PIK3AP1: variants seen among roughly 807,000 people sequenced by gnomAD.
PIK3AP1 encodes the protein phosphoinositide 3-kinase adapter protein 1.
In PIK3AP1, 21 loss-of-function variants were observed where a neutral mutation model predicts 88.1. That is an observed-to-expected ratio of 0.24 (90% CI 0.17 to 0.34). The LOEUF (loss-of-function observed/expected upper bound fraction) is 0.34. PIK3AP1 is among the 10% of genes least tolerant of loss of function. The pLI, the probability that PIK3AP1 is intolerant of heterozygous loss-of-function variation, is 1.00. For missense variants in PIK3AP1, 828 were observed against 1,035.7 expected (o/e 0.80, Z 2.75); for synonymous variants, 398 against 400.0 (o/e 1.00, Z 0.06).
At position 96,702,271 on chromosome 10, in the gene PIK3AP1, C is replaced by T. The variant is rs1185662729; in HGVS notation, c.430+7296G>A. Among the ~76,000 whole-genome samples, 7 of 152,156 alleles carry T rather than the reference C, an allele frequency of 4.6e-5. No homozygotes were observed. In the East Asian group the frequency reaches 7.8e-4, roughly 17 times the overall value. The stretch of plus-strand genomic sequence containing the variant: ...ATCCCAACAGTTCAGGAGGCCGAGG[C>T]GGGAGGATCATGAGGTCAAGACATC... On this transcript the variant is annotated intron_variant, in intron 2 of 16. Coordinates refer to ENST00000339364, the MANE Select transcript of PIK3AP1 (RefSeq NM_152309.3).
chr10:96,650,553 T>G (rs1160812338), intron 6 of PIK3AP1, among the ~76,000 whole-genome samples: 1 of 152,146 alleles, frequency 6.6e-6, no homozygotes, highest in Non-Finnish European at 1.5e-5. Flanking sequence ...GCGGACAGCC[T>G]AGCAAAGAAG....
chr10:96,633,062 C>A (rs1169620297), intron 8 of PIK3AP1: 1 of 1,589,524 alleles, frequency 6.3e-7, no homozygotes, highest in African/African-American at 1.3e-5. Context: ...AACCTCATGT[C>A]CTACAAGAGC....
At chr10:96,677,578 T>TACACACACACACAC (rs35018772) in intron 2 of PIK3AP1, among the ~76,000 whole-genome samples, 5 of 121,186 alleles carry the variant, frequency 4.1e-5, no homozygotes, top group East Asian at 2.5e-4. Context: ...ACTAAGCACA[T>TACACACACACACAC]ACACACACAC....
Position 96,656,847 on chromosome 10 carries a change from G to A in PIK3AP1, c.518C>T (p.Thr173Ile), listed in dbSNP as rs1843621562. 9 of 1,614,136 alleles carry A rather than the reference G, an allele frequency of 5.6e-6. No individual in the cohort carries two copies. Among genetic ancestry groups the A allele is most frequent in the East Asian group, 4.5e-5 (2 of 44,880 alleles). Reference sequence around the variant, plus strand: ...CACCACCATCAGGTTCCCAGGTGAAGTCACCGTCGGCAGGTTCTGCTGCTT... The same window carrying A: ...CACCACCATCAGGTTCCCAGGTGAAATCACCGTCGGCAGGTTCTGCTGCTT... Reference protein sequence around the residue: ...YSKQQNLPTVTSPGNLMVVQP... With the variant: ...YSKQQNLPTVISPGNLMVVQP... The change falls in exon 3 of 17, where the codon ACT becomes ATT. Residue 173 changes from threonine (T) to isoleucine (I), a missense_variant. Physicochemically the swap from Thr to Ile is moderately conservative, Grantham distance 89. Around this residue, in one of 3 missense-constraint regions of PIK3AP1, gnomAD observed 610 missense variants for 760.1 expected, o/e 0.80. Coordinates refer to ENST00000339364, the MANE Select transcript of PIK3AP1 (RefSeq NM_152309.3).
rs144433117 is a variant in PIK3AP1 at position 96,618,986 on chromosome 10, C to T, written c.1941+1366G>A. ...AGGGAGGCAGCTGGCAGAGCAGGTG[C>T]CCCTGTCTTAAGGAGCACTAAAAAG... On this transcript the variant is annotated intron_variant, in intron 12 of 16. Transcript: ENST00000339364. 2.2e-3 allele frequency among the ~76,000 whole-genome samples: 332 copies of T among 152,276 alleles called. 1 individual carries two copies. Among genetic ancestry groups the T allele is most frequent in the African/African-American group, 6.8e-3 (281 of 41,550 alleles).
At chr10:96,683,612 A>G (rs1276615620) in intron 2 of PIK3AP1, among the ~76,000 whole-genome samples, 1 of 151,908 alleles carries the variant, frequency 6.6e-6, no homozygotes, top group Non-Finnish European at 1.5e-5. Context: ...GAAAATTGAG[A>G]TAATAAAATC....
chr10:96,621,033 A>G (rs1021085578), intron 11 of PIK3AP1: 1 of 164,368 alleles, frequency 6.1e-6, no homozygotes, highest in African/African-American at 2.4e-5. Flanking sequence ...GATGGCATCA[A>G]AGGTGGCCCA....
At chr10:96,658,418 G>GGT (rs1843643640) in intron 2 of PIK3AP1, among the ~76,000 whole-genome samples, 1 of 152,126 alleles carries the variant, frequency 6.6e-6, no homozygotes, top group South Asian at 2.1e-4. Context: ...TTTCACCCTA[G>GGT]ACCCCAGGTC....
intron 2 of PIK3AP1, among the ~76,000 whole-genome samples, chr10:96,700,503 T>G: frequency 6.6e-6 from 1 of 152,178 alleles, no homozygotes; most frequent in East Asian, 1.9e-4. Flanking sequence ...AGCTTTTTAG[T>G]GACATTGGAA....
chr10:96,597,983 A>G (rs1267834469), intron 16 of PIK3AP1, among the ~76,000 whole-genome samples: 3 of 151,734 alleles, frequency 2.0e-5, no homozygotes, highest in African/African-American at 4.8e-5. Context: ...GCTACATCTC[A>G]AGGAAACTTA....
At chr10:96,654,180 C>T (rs1391080793) in intron 3 of PIK3AP1, among the ~76,000 whole-genome samples, 1 of 152,094 alleles carries the variant, frequency 6.6e-6, no homozygotes, top group Non-Finnish European at 1.5e-5. Flanking sequence ...AACCATCGAG[C>T]GCCTCGAATA....
At chr10:96,652,313 G>A (rs567336318) in intron 4 of PIK3AP1, among the ~76,000 whole-genome samples, 6 of 152,292 alleles carry the variant, frequency 3.9e-5, no homozygotes, top group South Asian at 4.1e-4. Flanking sequence ...CGTGGCTCAC[G>A]CCTGTAATCC....
Position 96,626,787 on chromosome 10 carries a change from G to T in PIK3AP1, c.1590C>A (p.Pro530=), listed in dbSNP as rs1363813166. Residue 530 remains proline (P), a synonymous_variant, in exon 10 of 17, where the codon CCC becomes CCA. Transcript: ENST00000339364. ...TCTCTGGTCTGGGCACTGGGACAGG[G>T]GGCCTGCTGGCCAGGTCCACAGAAA... ...EAFSVDLASR[P]PVPVPRPETT... is the part of the protein sequence containing the mutation. The T allele has an allele frequency of 1.2e-6, 2 of 1,614,104 alleles. No homozygotes were observed. The highest frequency in any genetic ancestry group is 2.7e-5 in the African/African-American group (2 of 74,942).
At chr10:96,694,493 C>A (rs1306444390) in intron 2 of PIK3AP1, among the ~76,000 whole-genome samples, 5 of 150,468 alleles carry the variant, frequency 3.3e-5, no homozygotes, top group Admixed American at 3.3e-4. Context: ...CCTCCCCTCC[C>A]CTCCCTTCCC....
In PIK3AP1 at chr10:96,707,534, C is replaced by A. The variant is rs970892132; in HGVS notation, c.430+2033G>T. 5.9e-5 allele frequency among the ~76,000 whole-genome samples: 9 copies of A among 152,208 alleles called. 1 individual carries two copies. The highest frequency in any genetic ancestry group is 1.7e-4 in the African/African-American group (7 of 41,532). On this transcript the variant is annotated intron_variant, in intron 2 of 16. Transcript: ENST00000339364. ...GGTCTCTAACTCCTGACCTCATGATCCGCCCGCCTCGGCCTCCCAAAGTGC... is the reference window on the plus strand; with the variant it reads ...GGTCTCTAACTCCTGACCTCATGATACGCCCGCCTCGGCCTCCCAAAGTGC...
At chr10:96,691,705 T>G (rs928389588) in intron 2 of PIK3AP1, among the ~76,000 whole-genome samples, 1 of 152,190 alleles carries the variant, frequency 6.6e-6, no homozygotes, top group Non-Finnish European at 1.5e-5. Flanking sequence ...TTCCTTTCAT[T>G]CTTTGCTTGG....
chr10:96,612,207 C>T (rs1246878447), intron 13 of PIK3AP1, among the ~76,000 whole-genome samples: 1 of 152,158 alleles, frequency 6.6e-6, no homozygotes, highest in East Asian at 1.9e-4. Flanking sequence ...TCCTGCTCCA[C>T]AGGACACACC....
intron 2 of PIK3AP1, among the ~76,000 whole-genome samples, chr10:96,657,657 T>TGG (rs1564973507): frequency 6.7e-6 from 1 of 149,530 alleles, no homozygotes; most frequent in East Asian, 2.0e-4. Context: ...GTGTGCAAGA[T>TGG]TGTGTGTGTG....
intron 8 of PIK3AP1, among the ~76,000 whole-genome samples, chr10:96,642,602 G>A (rs11188869): frequency 0.17 from 26,426 of 152,134 alleles, 2,433 homozygotes; most frequent in Admixed American, 0.27. Flanking sequence ...CTGCCTCCCC[G>A]CTGGTAGCCT....
Sources: gnomAD v4.1 joint callset for allele counts (sites outside exome capture counted in the v4.1 genomes callset) on GRCh38, gnomAD v4.1.1 for gene constraint, gnomAD v4.1.1 regional missense constraint, MANE v1.5 for transcripts, NCBI Gene and HGNC (gene_info 2026-07-23, HGNC 2026-07-21) for gene names.